CLASP1: variants seen among roughly 807,000 people sequenced by gnomAD.
CLASP1 encodes CLIP-associating protein 1.
CLASP1 carries 38 observed loss-of-function variants against 192.3 expected under a neutral mutation model. The ratio of observed to expected loss-of-function variants is 0.20; its 90% CI spans 0.15 to 0.26. CLASP1 has a LOEUF of 0.26. Ranked by LOEUF, CLASP1 falls within the 10% of genes least tolerant of loss-of-function variation. The pLI, the probability that CLASP1 is intolerant of heterozygous loss-of-function variation, is 1.00. For synonymous variants in CLASP1, 691 were observed against 712.8 expected, an observed-to-expected ratio of 0.97 and a Z score of 0.49; for missense variants, 1,433 against 1,932.5, an observed-to-expected ratio of 0.74 and a Z score of 4.85.
rs577059045 is a variant in CLASP1 at position 121,420,396 on chromosome 2, C to A, written c.2213-1667G>T. On this transcript the variant is annotated intron_variant, in intron 22 of 39. Transcript: ENST00000263710. ...AGCGTGTGTACTGGCTCTACCAATA[C>A]GGACAACTTTCCTAGAATGTACACA... is the stretch of plus-strand genomic sequence containing the variant. 2.2e-3 allele frequency among the ~76,000 whole-genome samples: 339 copies of A among 152,278 alleles called. 1 individual carries two copies. The highest frequency in any genetic ancestry group is 6.6e-3 in the African/African-American group (275 of 41,552).
At chr2:121,421,149 T>C (rs956228796) in intron 22 of CLASP1, among the ~76,000 whole-genome samples, 23 of 152,232 alleles carry the variant, frequency 1.5e-4, no homozygotes, top group African/African-American at 4.8e-4. Flanking sequence ...GTGACATCCA[T>C]GGTTCAAATG....
intron 19 of CLASP1, among the ~76,000 whole-genome samples, chr2:121,438,590 T>A (rs554553167): frequency 1.3e-5 from 2 of 152,286 alleles, no homozygotes; most frequent in East Asian, 3.9e-4. Flanking sequence ...GAGATAATCA[T>A]GTGGTTTTTG....
At chr2:121,340,897 G>A (rs746358180) in exon 40 of CLASP1, 6 of 1,612,280 alleles carry the variant, frequency 3.7e-6, no homozygotes, top group South Asian at 1.1e-5. Flanking sequence ...AGGAGCTGCT[G>A]TTGCTGTTGG....
rs115817611 is a variant in CLASP1, at chr2:121,419,579, G to A, written c.2213-850C>T. Among the ~76,000 whole-genome samples the A allele has an allele frequency of 4.9e-3, 748 of 151,884 alleles. 8 individuals are homozygous for A. Among genetic ancestry groups the A allele is most frequent in the African/African-American group, 0.017 (723 of 41,426 alleles). On this transcript the variant is annotated intron_variant, in intron 22 of 39. Transcript: ENST00000263710. Reference sequence around the variant, plus strand: ...AGCAAATAACTTTCTGATTATCTACGGCTAAAGTTAATCATTCTCATGTTA... The same window carrying A: ...AGCAAATAACTTTCTGATTATCTACAGCTAAAGTTAATCATTCTCATGTTA...
rs116450046 is a variant in CLASP1, at chr2:121,577,933, T to C, written c.195+27768A>G. 2.1e-3 allele frequency among the ~76,000 whole-genome samples: 324 copies of C among 152,020 alleles called. 1 individual carries two copies. Among genetic ancestry groups the C allele is most frequent in the African/African-American group, 7.4e-3 (308 of 41,438 alleles). On this transcript the variant is annotated intron_variant, in intron 2 of 39. Transcript: ENST00000263710. ...TACAAAAATTTCATTGACTGATTGA[T>C]TGATTAATTGACTGATTGAGAAAGA...
chr2:121,382,271 GA>G lies in CLASP1; in HGVS notation c.3427del (p.Ser1143LeufsTer31). 1 of 1,605,056 alleles carries G rather than the reference GA, an allele frequency of 6.2e-7. No homozygotes were observed. ...AGCGGTGGGGATGGAGTTAGGCTGA[GA>G]AAAGGGAGGTGGGTGCTTCGCTAAC... On this transcript the variant is annotated frameshift_variant, in exon 33 of 40. Transcript: ENST00000263710. LOFTEE classifies it high-confidence loss of function.
chr2:121,498,930 G>A (rs533809061), intron 8 of CLASP1, among the ~76,000 whole-genome samples: 1 of 152,306 alleles, frequency 6.6e-6, no homozygotes, highest in Non-Finnish European at 1.5e-5. Flanking sequence ...AATTGTTGGC[G>A]AGGATGTGGA....
rs574487537 is a variant in CLASP1 at position 121,581,251 on chromosome 2, C to A, written c.195+24450G>T. Among the ~76,000 whole-genome samples, 4 of 131,522 alleles carry A rather than the reference C, an allele frequency of 3.0e-5. No homozygotes were observed. The South Asian group carries it at 9.8e-4, about 32-fold the overall frequency. The allele number at this position is 131,522 out of a possible 152,430, so 86.3% of individuals were successfully genotyped here. ...AATCGTTTCTCTGCCTCCCAAAAGG[C>A]CTTTTGTTCTTTTTTTTTTTTTTTT... is the stretch of plus-strand genomic sequence containing the variant. On this transcript the variant is annotated intron_variant, in intron 2 of 39. Coordinates refer to ENST00000263710, the Ensembl canonical transcript of CLASP1.
chr2:121,454,933 C>T (rs1326265884), intron 14 of CLASP1, among the ~76,000 whole-genome samples: 1 of 152,224 alleles, frequency 6.6e-6, no homozygotes, highest in African/African-American at 2.4e-5. Flanking sequence ...TGTGAATCCT[C>T]CAAACCTTAC....
At chr2:121,472,383 A>G (rs2090907073) in intron 8 of CLASP1, among the ~76,000 whole-genome samples, 1 of 152,204 alleles carries the variant, frequency 6.6e-6, no homozygotes, top group Non-Finnish European at 1.5e-5. Flanking sequence ...GCACCGGACA[A>G]CGGGCAGTTC....
chr2:121,563,396 G>A (rs2059257445), intron 2 of CLASP1, among the ~76,000 whole-genome samples: 2 of 152,178 alleles, frequency 1.3e-5, no homozygotes, highest in South Asian at 2.1e-4. Context: ...GAAAGAATCA[G>A]CAGAAACCTC....
chr2:121,491,047 T>C (rs2093278937), intron 8 of CLASP1, among the ~76,000 whole-genome samples: 1 of 152,246 alleles, frequency 6.6e-6, no homozygotes. Flanking sequence ...TCAGATCTTA[T>C]CTAACAGAAT....
At chr2:121,494,634 T>A (rs2093451571) in intron 8 of CLASP1, among the ~76,000 whole-genome samples, 3 of 152,176 alleles carry the variant, frequency 2.0e-5, no homozygotes, top group Admixed American at 6.5e-5. Context: ...GATAAATGCT[T>A]GAGTTGATGG....
chr2:121,449,573 G>A (rs1308290896), intron 16 of CLASP1, among the ~76,000 whole-genome samples: 2 of 121,340 alleles, frequency 1.6e-5, no homozygotes, highest in East Asian at 5.7e-4. Flanking sequence ...CTTGAAATCA[G>A]TATCACATTA....
intron 2 of CLASP1, among the ~76,000 whole-genome samples, chr2:121,589,348 G>A (rs2062094733): frequency 1.3e-5 from 2 of 152,170 alleles, no homozygotes; most frequent in South Asian, 4.1e-4. Flanking sequence ...TACCACTATA[G>A]GCCGGGTGCG....
intron 7 of CLASP1, among the ~76,000 whole-genome samples, chr2:121,505,549 G>A (rs1186455840): frequency 6.6e-6 from 1 of 152,162 alleles, no homozygotes; most frequent in Non-Finnish European, 1.5e-5. Context: ...ACTGGTTTTT[G>A]TTTGCTAGCT....
chr2:121,417,599 A>G lies in CLASP1; in HGVS notation c.2320+1023T>C, dbSNP rs550234431. ...CAAGGTGGAACACCTCACAACAGGT[A>G]TTGCCTCGCTAAATCACAGGGACCA... On this transcript the variant is annotated intron_variant, in intron 23 of 39. Coordinates refer to ENST00000263710, the Ensembl canonical transcript of CLASP1. 4.7e-4 allele frequency among the ~76,000 whole-genome samples: 72 copies of G among 152,342 alleles called. 1 individual carries two copies. In the South Asian group the frequency reaches 0.012, roughly 25 times the overall value.
rs1052965892 is a variant in CLASP1, at chr2:121,447,569, A to G, written c.1742-62T>C. ...CATAGAATTTTGAAAATACATTGCTAAAATCTGATGTTGTTTTGCTTTCCT... is the reference window on the plus strand; with the variant it reads ...CATAGAATTTTGAAAATACATTGCTGAAATCTGATGTTGTTTTGCTTTCCT... On this transcript the variant is annotated intron_variant, in intron 18 of 39. Coordinates refer to ENST00000263710, the Ensembl canonical transcript of CLASP1. 76 of 1,329,036 alleles carry G rather than the reference A, an allele frequency of 5.7e-5. No individual in the cohort carries two copies. In the African/African-American group the frequency reaches 1.1e-3, roughly 19 times the overall value. The allele number at this position is 1,329,036 out of a possible 1,614,324, so 82.3% of individuals were successfully genotyped here. A position where few individuals can be genotyped will look rare whatever the true frequency, so the allele number is the denominator to read the frequency against.
chr2:121,611,988 G>A (rs2065639803), intron 1 of CLASP1, among the ~76,000 whole-genome samples: 2 of 149,204 alleles, frequency 1.3e-5, no homozygotes, highest in East Asian at 4.1e-4. Flanking sequence ...AGGATAAAGT[G>A]GAACTGGAGG....
Sources: allele counts gnomAD v4.1 joint callset (sites outside exome capture counted in the v4.1 genomes callset), GRCh38; gene constraint gnomAD v4.1.1; transcripts MANE v1.5; gene names NCBI Gene and HGNC (gene_info 2026-07-23, HGNC 2026-07-21).